Variants in SH3BP4 observed in about 807,000 individuals in gnomAD.
The protein encoded by SH3BP4 is SH3 domain-binding protein 4.
SH3BP4 carries 33 observed loss-of-function variants against 65.5 expected under a neutral mutation model. That is an observed-to-expected ratio of 0.50 (90% CI 0.38 to 0.67). The LOEUF (loss-of-function observed/expected upper bound fraction) is 0.67, where lower values mean the gene tolerates loss of function less well. Among genes scored for constraint, SH3BP4 ranks in the 30% least tolerant of loss-of-function variants. The probability of loss-of-function intolerance (pLI) is 0.00; values close to 1 mark genes in which losing one functional copy is unlikely to be tolerated. For missense variants in SH3BP4, 1,134 were observed against 1,261.4 expected (o/e 0.90, Z 1.53); for synonymous variants, 552 against 545.5 (o/e 1.01, Z -0.17).
At chr2:235,050,729 C>T (rs145906372) in intron 4 of SH3BP4, among the ~76,000 whole-genome samples, 195 of 152,174 alleles carry the variant, frequency 1.3e-3, no homozygotes, top group African/African-American at 4.6e-3. Context: ...AACAGCTGGG[C>T]TCGCTTTGAA....
chr2:235,029,083 G>A lies in SH3BP4; in HGVS notation c.-132-5788G>A, dbSNP rs114576851. On this transcript the variant is annotated intron_variant, in intron 2 of 5. Coordinates refer to ENST00000392011, the MANE Select transcript of SH3BP4 (RefSeq NM_014521.3). The stretch of plus-strand genomic sequence containing the variant: ...CTAATTGAGGGGTGGACTCCAGGCC[G>A]CAGGCAGGCCTGCTGGAGAGGAGCT... Among the ~76,000 whole-genome samples the A allele has an allele frequency of 4.1e-3, 629 of 152,348 alleles. 4 individuals are homozygous for A. Among genetic ancestry groups the A allele is most frequent in the African/African-American group, 0.015 (608 of 41,586 alleles).
Position 235,053,931 on chromosome 2 carries a change from G to A in SH3BP4, c.*115G>A. ...AGGGGCGGCTGCTCAGACAGATTTA[G>A]GGCCCGCCAGCTAGGCTACACCCAT... On this transcript the variant is annotated 3_prime_UTR_variant, in exon 6 of 6. Coordinates refer to ENST00000392011, the MANE Select transcript of SH3BP4 (RefSeq NM_014521.3). 1 of 799,028 alleles carries A rather than the reference G, an allele frequency of 1.3e-6. No individual in the cohort carries two copies. Among genetic ancestry groups the A allele is most frequent in the Non-Finnish European group, 2.0e-6 (1 of 492,162 alleles). The allele number at this position is 799,028 out of a possible 1,614,324, so 49.5% of individuals were successfully genotyped here.
At chr2:235,001,128 G>C (rs1694083906) in intron 2 of SH3BP4, among the ~76,000 whole-genome samples, 1 of 152,210 alleles carries the variant, frequency 6.6e-6, no homozygotes, top group African/African-American at 2.4e-5. Flanking sequence ...GGCTTGACTT[G>C]GGGCATCTGC....
intron 2 of SH3BP4, among the ~76,000 whole-genome samples, chr2:235,003,790 C>T (rs1181324432): frequency 6.6e-6 from 1 of 152,228 alleles, no homozygotes; most frequent in Non-Finnish European, 1.5e-5. Flanking sequence ...GGGGGGCTTG[C>T]AGTGTCTGTA....
rs1696132821 is a variant in SH3BP4, at chr2:235,053,630, G to T, written c.2706G>T (p.Trp902Cys). The T allele has an allele frequency of 6.2e-7, 1 of 1,614,076 alleles. No homozygotes were observed. The highest frequency in any genetic ancestry group is 8.5e-7 in the Non-Finnish European group (1 of 1,180,024). The change falls in exon 6 of 6, where the codon TGG becomes TGT. Residue 902 changes from tryptophan to cysteine, a missense_variant. Physicochemically the swap from Trp to Cys is radical, Grantham distance 215 (BLOSUM62 -2). Coordinates refer to ENST00000392011, the MANE Select transcript of SH3BP4 (RefSeq NM_014521.3). ...CTGCGTATGACTTCTTACTCACCTG[G>T]AGCCATCAGATCGGGGACAGCTACC... Reference protein sequence around the residue: ...WKPAYDFLLTWSHQIGDSYRD... With the variant: ...WKPAYDFLLTCSHQIGDSYRD...
chr2:235,042,402 A>T lies in SH3BP4; in HGVS notation c.1633A>T (p.Met545Leu). Residue 545 changes from methionine (M) to leucine (L), a missense_variant, in exon 4 of 6, where the codon ATG becomes TTG. By Grantham distance (15) the Met-to-Leu change is conservative (BLOSUM62 2). Transcript: ENST00000392011. The surrounding 1 kb of genome is among the most constrained non-coding windows in gnomAD (Gnocchi z 7.3). ...QDLKVCMFSN[M>L]TNYEVKASEQ... ...TCTCAAGGTCTGTATGTTTTCCAAT[A>T]TGACGAATTACGAGGTCAAAGCCAG... is the stretch of plus-strand genomic sequence containing the variant. 2 of 1,614,128 alleles carry T rather than the reference A, an allele frequency of 1.2e-6. No individual in the cohort carries two copies. Among genetic ancestry groups the T allele is most frequent in the East Asian group, 2.2e-5 (1 of 44,866 alleles).
chr2:235,010,127 T>A lies in SH3BP4; in HGVS notation c.-133+14751T>A, dbSNP rs181450335. Among the ~76,000 whole-genome samples the A allele has an allele frequency of 2.4e-4, 37 of 152,204 alleles. No individual in the cohort carries two copies. The East Asian group carries it at 6.8e-3, about 28-fold the overall frequency. Reference sequence around the variant, plus strand: ...CCTCCTTGGCAGCCTGACTTGCAGATTAGAGACCCCTCCCCATGGTGCACA... The same window carrying A: ...CCTCCTTGGCAGCCTGACTTGCAGAATAGAGACCCCTCCCCATGGTGCACA... On this transcript the variant is annotated intron_variant, in intron 2 of 5. Coordinates refer to ENST00000392011, the MANE Select transcript of SH3BP4 (RefSeq NM_014521.3).
In SH3BP4 at chr2:235,035,579, G is replaced by A. The variant is rs144472702; in HGVS notation, c.118+459G>A. Among the ~76,000 whole-genome samples the A allele has an allele frequency of 4.7e-4, 72 of 152,292 alleles. No homozygotes were observed. In the East Asian group the frequency reaches 0.011, roughly 24 times the overall value. On this transcript the variant is annotated intron_variant, in intron 3 of 5. Coordinates refer to ENST00000392011, the MANE Select transcript of SH3BP4 (RefSeq NM_014521.3). The surrounding 1 kb of genome is among the most constrained non-coding windows in gnomAD (Gnocchi z 5.0). ...TGTCACAACTATTCATTGCTGCCTC[G>A]TTGCATGAAAGCATCCATGAAGTTA...
At chr2:234,964,073 T>G (rs1391775683) in intron 1 of SH3BP4, among the ~76,000 whole-genome samples, 5 of 152,194 alleles carry the variant, frequency 3.3e-5, no homozygotes, top group Non-Finnish European at 4.4e-5. Context: ...CCTCCTCAGG[T>G]CTTGGCACCG....
At chr2:235,048,119 A>G (rs980374626) in intron 4 of SH3BP4, among the ~76,000 whole-genome samples, 1 of 152,060 alleles carries the variant, frequency 6.6e-6, no homozygotes, top group Non-Finnish European at 1.5e-5. Context: ...TGTGCATTGG[A>G]TGGGGTCCTG....
At chr2:234,994,346 T>G (rs1054024289) in intron 1 of SH3BP4, among the ~76,000 whole-genome samples, 1 of 152,206 alleles carries the variant, frequency 6.6e-6, no homozygotes, top group African/African-American at 2.4e-5. Flanking sequence ...TGTTCTGGGC[T>G]GTCTGGTTCC....
In SH3BP4 at chr2:234,976,604, G is replaced by C. The variant is rs1232385874; in HGVS notation, c.-206-18699G>C. 6.6e-6 allele frequency among the ~76,000 whole-genome samples: 1 copy of C among 152,118 alleles called. No homozygotes were observed. Among genetic ancestry groups the C allele is most frequent in the Non-Finnish European group, 1.5e-5 (1 of 68,036 alleles). ...GGCATCTCTGAGCAGAGCAAGCAGG[G>C]GCCTGCGGAAGGGGTTAAGAGGGGC... On this transcript the variant is annotated intron_variant, in intron 1 of 5. Coordinates refer to ENST00000392011, the MANE Select transcript of SH3BP4 (RefSeq NM_014521.3). This position sits in a 1 kb window ranked among gnomAD's most constrained non-coding sequence, Gnocchi z 4.7.
intron 2 of SH3BP4, among the ~76,000 whole-genome samples, chr2:235,013,892 C>T (rs1397784579): frequency 6.6e-6 from 1 of 152,092 alleles, no homozygotes; most frequent in African/African-American, 2.4e-5. Flanking sequence ...GCCTCAGTTT[C>T]CTCAGCTATA....
In SH3BP4 at chr2:235,034,137, C is replaced by T. The variant is rs1407450805; in HGVS notation, c.-132-734C>T. ...ATTCATATCCAGAACCCCCCACATG[C>T]TTCAGTCCTGTCTGTGCGCCCTTCC... On this transcript the variant is annotated intron_variant, in intron 2 of 5. Coordinates refer to ENST00000392011, the MANE Select transcript of SH3BP4 (RefSeq NM_014521.3). The surrounding 1 kb of genome is among the most constrained non-coding windows in gnomAD (Gnocchi z 6.2). Among the ~76,000 whole-genome samples the T allele has an allele frequency of 1.3e-5, 2 of 152,200 alleles. No individual in the cohort carries two copies. The highest frequency in any genetic ancestry group is 3.4e-3 in the Middle Eastern group (1 of 294).
At chr2:235,012,417 C>T (rs1344271142) in intron 2 of SH3BP4, among the ~76,000 whole-genome samples, 1 of 152,210 alleles carries the variant, frequency 6.6e-6, no homozygotes, top group African/African-American at 2.4e-5. Flanking sequence ...GCCGAGGGGA[C>T]GCCTGAGTTG....
At chr2:234,965,690 G>T (rs911995041) in intron 1 of SH3BP4, among the ~76,000 whole-genome samples, 1 of 152,202 alleles carries the variant, frequency 6.6e-6, no homozygotes, top group Admixed American at 6.5e-5. Context: ...CTGGGAAGAT[G>T]GGGGTTTTTT....
rs1259121374 is a variant in SH3BP4, at chr2:234,952,423, G to T, written c.-207+253G>T. On this transcript the variant is annotated intron_variant, in intron 1 of 5. Transcript: ENST00000392011. This position sits in a 1 kb window ranked among gnomAD's most constrained non-coding sequence, Gnocchi z 6.5. Reference sequence around the variant, plus strand: ...CCTGGTGCTGGTGGGCAGGGACCCGGCCCGGGGTTCCGGGCGCCGAGCCGC... The same window carrying T: ...CCTGGTGCTGGTGGGCAGGGACCCGTCCCGGGGTTCCGGGCGCCGAGCCGC... Among the ~76,000 whole-genome samples, 1 of 151,002 alleles carries T rather than the reference G, an allele frequency of 6.6e-6. No homozygotes were observed. Among genetic ancestry groups the T allele is most frequent in the Non-Finnish European group, 1.5e-5 (1 of 67,634 alleles).
chr2:235,000,179 G>A (rs1694054308), intron 2 of SH3BP4, among the ~76,000 whole-genome samples: 1 of 152,288 alleles, frequency 6.6e-6, no homozygotes, highest in South Asian at 2.1e-4. Flanking sequence ...CCTCGGCTGG[G>A]CTTCTCTGCA....
chr2:234,992,160 A>T (rs1002471342), intron 1 of SH3BP4, among the ~76,000 whole-genome samples: 12 of 152,244 alleles, frequency 7.9e-5, no homozygotes, highest in Non-Finnish European at 1.5e-4. Flanking sequence ...CTCTCTTTAA[A>T]TAGAGAAAGG....
Sources: allele counts gnomAD v4.1 joint callset (sites outside exome capture counted in the v4.1 genomes callset), GRCh38; gene constraint gnomAD v4.1.1; non-coding constraint Gnocchi (gnomAD v3.1); transcripts MANE v1.5; gene names NCBI Gene and HGNC (gene_info 2026-07-23, HGNC 2026-07-21).